The following MAST4 variants were observed in gnomAD, a reference collection of about 807,000 sequenced individuals.
MAST4 encodes the protein microtubule associated serine/threonine kinase family member 4.
Under a neutral mutation model 162.7 loss-of-function variants are expected in MAST4, and 89 were observed. The ratio of observed to expected loss-of-function variants is 0.55; its 90% CI spans 0.46 to 0.65. The LOEUF (loss-of-function observed/expected upper bound fraction) is 0.65, where lower values mean the gene tolerates loss of function less well. MAST4 is among the 30% of genes least tolerant of loss of function. MAST4 has a pLI of 0.00. For missense variants in MAST4, 3,153 were observed against 3,374.0 expected (o/e 0.93, Z 1.62); for synonymous variants, 1,479 against 1,361.1 (o/e 1.09, Z -1.91).
chr5:66,716,324 A>ATC (rs148707709), intron 1 of MAST4, among the ~76,000 whole-genome samples: 5 of 151,902 alleles, frequency 3.3e-5, no homozygotes, highest in Non-Finnish European at 7.4e-5. Flanking sequence ...TTTAGATTTG[A>ATC]TCTCTCTCTC....
intron 1 of MAST4, among the ~76,000 whole-genome samples, chr5:66,610,753 G>A (rs1374422285): frequency 6.6e-6 from 1 of 152,224 alleles, no homozygotes; most frequent in Non-Finnish European, 1.5e-5. Context: ...TTCTGAGTGA[G>A]GGAACAGGTA....
chr5:66,648,943 T>A (rs368797262), intron 1 of MAST4, among the ~76,000 whole-genome samples: 1 of 152,170 alleles, frequency 6.6e-6, no homozygotes, highest in South Asian at 2.1e-4. Flanking sequence ...TTTAAAAACC[T>A]TTAAATTTCA....
At chr5:66,782,792 C>T (rs1476659327) in intron 2 of MAST4, among the ~76,000 whole-genome samples, 1 of 152,166 alleles carries the variant, frequency 6.6e-6, no homozygotes, top group East Asian at 1.9e-4. Context: ...TGGTATTATC[C>T]ATTAATTTCC....
intron 12 of MAST4, among the ~76,000 whole-genome samples, chr5:67,116,584 G>A (rs1234233287): frequency 2.0e-5 from 3 of 151,414 alleles, no homozygotes; most frequent in East Asian, 2.0e-4. Context: ...ATTGCACCGC[G>A]CTGAGTGGAT....
At chr5:66,923,827 C>T (rs932397906) in intron 4 of MAST4, among the ~76,000 whole-genome samples, 1 of 152,128 alleles carries the variant, frequency 6.6e-6, no homozygotes, top group African/African-American at 2.4e-5. Context: ...TGAAACCTGG[C>T]CTTGTACATA....
intron 5 of MAST4, among the ~76,000 whole-genome samples, chr5:67,081,570 C>T (rs1419173494): frequency 6.6e-6 from 1 of 152,062 alleles, no homozygotes; most frequent in Non-Finnish European, 1.5e-5. Context: ...TTACAGTATA[C>T]AAGAAATTCT....
At chr5:66,898,884 A>G (rs1762842409) in intron 3 of MAST4, among the ~76,000 whole-genome samples, 1 of 152,160 alleles carries the variant, frequency 6.6e-6, no homozygotes, top group Non-Finnish European at 1.5e-5. Flanking sequence ...TGCTGGAGTA[A>G]GTTGTGCTGT....
chr5:66,788,195 A>G (rs1650306105), intron 2 of MAST4, among the ~76,000 whole-genome samples: 1 of 152,164 alleles, frequency 6.6e-6, no homozygotes, highest in African/African-American at 2.4e-5. Context: ...GGGGAGAGGC[A>G]CCAGCCCCAT....
intron 1 of MAST4, among the ~76,000 whole-genome samples, chr5:66,615,877 C>T (rs1743641696): frequency 6.6e-6 from 1 of 152,140 alleles, no homozygotes; most frequent in Admixed American, 6.5e-5. Flanking sequence ...TCATGTTTTT[C>T]CTTCTATCCC....
chr5:66,707,344 C>G (rs1358754336), intron 1 of MAST4, among the ~76,000 whole-genome samples: 1 of 152,196 alleles, frequency 6.6e-6, no homozygotes, highest in African/African-American at 2.4e-5. Flanking sequence ...CTGTGTGTTC[C>G]TCATCCCTGG....
intron 3 of MAST4, among the ~76,000 whole-genome samples, chr5:66,882,796 C>A (rs1761774693): frequency 6.6e-6 from 1 of 152,154 alleles, no homozygotes; most frequent in Middle Eastern, 3.4e-3. Context: ...GACTCAGCAC[C>A]CTACTACAGT....
chr5:66,896,247 A>G (rs460844), intron 3 of MAST4, among the ~76,000 whole-genome samples: 81,553 of 151,800 alleles, frequency 0.54, 22,309 homozygotes, highest in Middle Eastern at 0.61. Context: ...CTTTTTCACG[A>G]TTAGACTGGG....
intron 12 of MAST4, chr5:67,114,692 A>G (rs1260435222): frequency 2.6e-5 from 4 of 154,798 alleles, no homozygotes; most frequent in African/African-American, 9.6e-5. Flanking sequence ...ATTCTTGTTT[A>G]CTTAAAATAT....
intron 1 of MAST4, among the ~76,000 whole-genome samples, chr5:66,655,339 A>G (rs762755827): frequency 1.3e-5 from 2 of 152,242 alleles, no homozygotes; most frequent in Non-Finnish European, 2.9e-5. Context: ...GATGTACCCA[A>G]GTTAATGTAG....
At chr5:67,083,010 C>T (rs1296801385) in intron 5 of MAST4, among the ~76,000 whole-genome samples, 3 of 152,086 alleles carry the variant, frequency 2.0e-5, no homozygotes, top group African/African-American at 7.2e-5. Flanking sequence ...CCATTGACAC[C>T]TGTTTATTGA....
chr5:67,146,760 C>A (rs756146864), intron 23 of MAST4, among the ~76,000 whole-genome samples: 1 of 152,068 alleles, frequency 6.6e-6, no homozygotes, highest in Non-Finnish European at 1.5e-5. Context: ...TTTCATGTTG[C>A]GTAATTCCAC....
chr5:67,060,613 G>T (rs1022725863), intron 5 of MAST4, among the ~76,000 whole-genome samples: 1 of 151,908 alleles, frequency 6.6e-6, no homozygotes, highest in African/African-American at 2.4e-5. Context: ...GAGTAACTGG[G>T]ACTACAGGCG....
chr5:66,879,964 T>C (rs542869922), intron 3 of MAST4, among the ~76,000 whole-genome samples: 20 of 152,366 alleles, frequency 1.3e-4, no homozygotes, highest in Admixed American at 1.2e-3. Context: ...GTGTACATGC[T>C]GAATGAGTCC....
chr5:66,818,764 G>T (rs934922933), intron 3 of MAST4, among the ~76,000 whole-genome samples: 3 of 152,208 alleles, frequency 2.0e-5, no homozygotes, highest in African/African-American at 7.2e-5. Flanking sequence ...AAAAGGGGAG[G>T]TGTTCAGGAA....
Sources: allele counts gnomAD v4.1 joint callset (sites outside exome capture counted in the v4.1 genomes callset), GRCh38; gene constraint gnomAD v4.1.1; transcripts MANE v1.5; gene names NCBI Gene and HGNC (gene_info 2026-07-23, HGNC 2026-07-21).